OXR1: variants seen among roughly 807,000 people sequenced by gnomAD.
The protein encoded by OXR1 is oxidation resistance 1.
OXR1 carries 41 observed loss-of-function variants against 104.6 expected under a neutral mutation model. That is an observed-to-expected ratio of 0.39 (90% CI 0.31 to 0.51). The LOEUF is 0.51. Ranked by LOEUF, OXR1 falls within the 20% of genes least tolerant of loss-of-function variation. The pLI is 0.77. For synonymous variants in OXR1, 348 were observed against 348.4 expected (o/e 1.00, Z 0.01); for missense variants, 955 against 1,031.9 (o/e 0.93, Z 1.02).
chr8:106,308,978 T>A (rs989287914), intron 1 of OXR1, among the ~76,000 whole-genome samples: 9 of 136,144 alleles, frequency 6.6e-5, no homozygotes, highest in Non-Finnish European at 1.4e-4. Flanking sequence ...AAATTTTAAT[T>A]TTTTTTTTGT....
intron 2 of OXR1, among the ~76,000 whole-genome samples, chr8:106,468,546 G>A (rs1384712638): frequency 6.6e-6 from 1 of 151,780 alleles, no homozygotes; most frequent in Non-Finnish European, 1.5e-5. Context: ...GTGGTGGAAA[G>A]AGAGTGAACA....
chr8:106,736,888 G>T (rs1011371136), intron 11 of OXR1, among the ~76,000 whole-genome samples: 5 of 152,068 alleles, frequency 3.3e-5, no homozygotes, highest in African/African-American at 1.2e-4. Flanking sequence ...CATTTAAAGG[G>T]CTGAAGCAGA....
chr8:106,677,124 T>C (rs1450401005), intron 3 of OXR1, among the ~76,000 whole-genome samples: 1 of 152,130 alleles, frequency 6.6e-6, no homozygotes, highest in African/African-American at 2.4e-5. Context: ...AGGAAGGGTA[T>C]ATTATTAGTT....
intron 3 of OXR1, among the ~76,000 whole-genome samples, chr8:106,671,410 T>C (rs1048034743): frequency 1.3e-5 from 2 of 152,172 alleles, no homozygotes; most frequent in Admixed American, 6.5e-5. Context: ...TACGCATGTA[T>C]TCAGCGTGTA....
At position 106,714,278 on chromosome 8, in the gene OXR1, G is replaced by A. The variant is rs189807379; in HGVS notation, c.1956+293G>A. Among the ~76,000 whole-genome samples the A allele has an allele frequency of 5.8e-3, 883 of 152,068 alleles. 6 individuals carry two copies. Among genetic ancestry groups the A allele is most frequent in the Middle Eastern group, 0.01 (3 of 294 alleles). ...TAGGAAAGATTAACATTATGGCAAA[G>A]AAGGAAATAATTTTAATTTTGCTGT... On this transcript the variant is annotated intron_variant, in intron 11 of 16. Coordinates refer to ENST00000517566, the MANE Select transcript of OXR1 (RefSeq NM_001198533.2).
At chr8:106,354,659 G>A (rs1175764165) in intron 1 of OXR1, among the ~76,000 whole-genome samples, 1 of 151,820 alleles carries the variant, frequency 6.6e-6, no homozygotes, top group African/African-American at 2.4e-5. Context: ...CATTTTTATA[G>A]ATTTACTGTT....
At chr8:106,367,772 G>A (rs1816537195) in intron 2 of OXR1, among the ~76,000 whole-genome samples, 1 of 152,204 alleles carries the variant, frequency 6.6e-6, no homozygotes, top group African/African-American at 2.4e-5. Flanking sequence ...GTAGAGGATT[G>A]GGGAGTTGGT....
intron 2 of OXR1, among the ~76,000 whole-genome samples, chr8:106,387,955 T>C (rs1817444691): frequency 6.6e-6 from 1 of 152,226 alleles, no homozygotes; most frequent in South Asian, 2.1e-4. Context: ...GAACCAAGTT[T>C]AAAATTCTCT....
intron 2 of OXR1, among the ~76,000 whole-genome samples, chr8:106,471,818 T>C (rs1821507586): frequency 6.6e-6 from 1 of 151,916 alleles, no homozygotes; most frequent in African/African-American, 2.4e-5. Flanking sequence ...GTCTTTACCA[T>C]TTTATTTTGA....
intron 2 of OXR1, among the ~76,000 whole-genome samples, chr8:106,398,779 A>G (rs1352159191): frequency 1.3e-5 from 2 of 152,110 alleles, no homozygotes; most frequent in Admixed American, 1.3e-4. Flanking sequence ...TGAATCAGTT[A>G]GTTTTCATTC....
chr8:106,680,645 T>C (rs758979908), intron 4 of OXR1, among the ~76,000 whole-genome samples: 2 of 152,186 alleles, frequency 1.3e-5, no homozygotes, highest in Non-Finnish European at 2.9e-5. Flanking sequence ...ATGTGAGTGG[T>C]CCCTTGTTTC....
intron 1 of OXR1, among the ~76,000 whole-genome samples, chr8:106,357,816 C>T (rs965674095): frequency 6.6e-6 from 1 of 152,100 alleles, no homozygotes; most frequent in African/African-American, 2.4e-5. Context: ...CTCTCCTTTG[C>T]CCCATGTTTT....
intron 1 of OXR1, among the ~76,000 whole-genome samples, chr8:106,348,318 C>A (rs1463415287): frequency 6.6e-6 from 1 of 152,100 alleles, no homozygotes; most frequent in Non-Finnish European, 1.5e-5. Flanking sequence ...CACGCACACA[C>A]CCCTACCTAT....
At chr8:106,601,401 G>A (rs565626975) in intron 3 of OXR1, among the ~76,000 whole-genome samples, 8 of 152,276 alleles carry the variant, frequency 5.3e-5, no homozygotes, top group South Asian at 2.1e-4. Context: ...AGACTGAGGC[G>A]CAAGCAGATC....
At chr8:106,703,724 C>G (rs1282158412) in intron 8 of OXR1, among the ~76,000 whole-genome samples, 1 of 150,656 alleles carries the variant, frequency 6.6e-6, no homozygotes, top group Non-Finnish European at 1.5e-5. Flanking sequence ...TATGCTTGTC[C>G]AAAGTAATGG....
chr8:106,733,677 C>T (rs1834100555), intron 11 of OXR1, among the ~76,000 whole-genome samples: 1 of 151,752 alleles, frequency 6.6e-6, no homozygotes, highest in African/African-American at 2.4e-5. Context: ...CGTGGTGGCA[C>T]ACACCTGTAG....
At chr8:106,396,020 G>A (rs1168617947) in intron 2 of OXR1, among the ~76,000 whole-genome samples, 1 of 151,990 alleles carries the variant, frequency 6.6e-6, no homozygotes, top group Non-Finnish European at 1.5e-5. Flanking sequence ...ATAGAATAGT[G>A]CTAGTTTACA....
intron 1 of OXR1, among the ~76,000 whole-genome samples, chr8:106,334,173 C>CT (rs1814854655): frequency 6.6e-6 from 1 of 152,024 alleles, no homozygotes; most frequent in African/African-American, 2.4e-5. Context: ...ACAAATCTTG[C>CT]TTTTTTTGTT....
chr8:106,297,966 C>A (rs1270812140), intron 1 of OXR1, among the ~76,000 whole-genome samples: 1 of 152,152 alleles, frequency 6.6e-6, no homozygotes, highest in Admixed American at 6.5e-5. Context: ...GATACATAAA[C>A]TTTATCCTGT....
Sources: allele counts gnomAD v4.1 joint callset (sites outside exome capture counted in the v4.1 genomes callset), GRCh38; gene constraint gnomAD v4.1.1; transcripts MANE v1.5; gene names NCBI Gene and HGNC (gene_info 2026-07-23, HGNC 2026-07-21).